Variants in HSD17B11 observed in about 807,000 individuals in gnomAD.
HSD17B11 encodes the protein hydroxysteroid 17-beta dehydrogenase 11, also known as estradiol 17-beta-dehydrogenase 11.
Under a neutral mutation model 27.8 loss-of-function variants are expected in HSD17B11, and 22 were observed. The observed-to-expected ratio is 0.79, with a 90% CI of 0.56 to 1.13. The LOEUF is 1.13. HSD17B11 is among the 50% of genes most tolerant of loss of function. The pLI, the probability that HSD17B11 is intolerant of heterozygous loss-of-function variation, is 0.00. For synonymous variants in HSD17B11, 117 were observed against 132.8 expected (o/e 0.88, Z 0.82); for missense variants, 314 against 351.1 (o/e 0.89, Z 0.84).
At chr4:87,377,390 C>T (rs1735851370) in intron 2 of HSD17B11, among the ~76,000 whole-genome samples, 1 of 151,320 alleles carries the variant, frequency 6.6e-6, no homozygotes, top group East Asian at 1.9e-4. Context: ...GCGGAGGTTG[C>T]AGTGAGCTGA....
chr4:87,378,742 T>A (rs1231630641), intron 2 of HSD17B11, among the ~76,000 whole-genome samples: 1 of 140,768 alleles, frequency 7.1e-6, no homozygotes, highest in Non-Finnish European at 1.5e-5. Context: ...ATTATTTTAA[T>A]TTTTAGCTCT....
intron 5 of HSD17B11, 151 bp downstream of exon 5, chr4:87,357,128 T>C (rs1735402660): frequency 2.4e-6 from 2 of 844,294 alleles, no homozygotes; most frequent in African/African-American, 1.8e-5. Context: ...GCTTTCCACC[T>C]GTTTTCCCAC....
chr4:87,368,348 C>A lies in HSD17B11; in HGVS notation c.557+4361G>T, dbSNP rs545840263. On this transcript the variant is annotated intron_variant, in intron 4 of 6. Transcript: ENST00000358290. ...ACAAAAAACACACACACAAAAAACT[C>A]AAGAGTCATGAATGGCCCTCGCCAC... is the stretch of plus-strand genomic sequence containing the variant. Among the ~76,000 whole-genome samples the A allele has an allele frequency of 3.9e-5, 6 of 152,030 alleles. No individual in the cohort carries two copies. The South Asian group carries it at 1.0e-3, about 26-fold the overall frequency.
chr4:87,360,134 T>G (rs1735477745), intron 4 of HSD17B11, among the ~76,000 whole-genome samples: 1 of 100,632 alleles, frequency 9.9e-6, no homozygotes, highest in Non-Finnish European at 2.2e-5. Context: ...GAAATTTTCA[T>G]CTGAGTTTTT....
chr4:87,390,449 G>A (rs1433847641), intron 1 of HSD17B11, among the ~76,000 whole-genome samples: 4 of 152,174 alleles, frequency 2.6e-5, no homozygotes, highest in African/African-American at 7.2e-5. Flanking sequence ...AGCCAACGGC[G>A]AGTATAATCT....
intron 1 of HSD17B11, among the ~76,000 whole-genome samples, chr4:87,388,401 C>A (rs964239781): frequency 2.6e-5 from 4 of 152,236 alleles, no homozygotes; most frequent in Non-Finnish European, 5.9e-5. Flanking sequence ...CTACCTACCA[C>A]TGTGTTGCAC....
rs1193113287 is a variant in HSD17B11, at chr4:87,336,650, A to G, written c.*626T>C. ...TTTATTATTGCTGCCATTTGTGGGT[A>G]CATTCTCTCAATTCTCCTTAAATCC... On this transcript the variant is annotated 3_prime_UTR_variant, in exon 7 of 7. Coordinates refer to ENST00000358290, the MANE Select transcript of HSD17B11 (RefSeq NM_016245.5). 2 of 152,458 alleles carry G rather than the reference A, an allele frequency of 1.3e-5. No homozygotes were observed. The highest frequency in any genetic ancestry group is 2.9e-5 in the Non-Finnish European group (2 of 68,078). 9.4% of individuals were successfully genotyped at this position (152,458 alleles called of 1,614,324 possible). A position where few individuals can be genotyped will look rare whatever the true frequency, so the allele number is the denominator to read the frequency against.
intron 6 of HSD17B11, among the ~76,000 whole-genome samples, chr4:87,339,263 T>C (rs916641414): frequency 1.3e-5 from 2 of 152,242 alleles, no homozygotes; most frequent in African/African-American, 4.8e-5. Context: ...AAGAGATCCC[T>C]GAGCTTTACT....
intron 1 of HSD17B11, among the ~76,000 whole-genome samples, chr4:87,389,084 T>G (rs1390678856): frequency 3.2e-4 from 49 of 152,314 alleles, no homozygotes; most frequent in South Asian, 2.1e-4. Flanking sequence ...TTGAGTAAGT[T>G]ACCCAATCAG....
In HSD17B11 at chr4:87,372,832, T is replaced by C; in HGVS notation, c.451-17A>G. 1 of 1,473,750 alleles carries C rather than the reference T, an allele frequency of 6.8e-7. No individual in the cohort carries two copies. The highest frequency in any genetic ancestry group is 9.4e-7 in the Non-Finnish European group (1 of 1,068,932). 91.3% of individuals were successfully genotyped at this position (1,473,750 alleles called of 1,614,324 possible). A position where few individuals can be genotyped will look rare whatever the true frequency, so the allele number is the denominator to read the frequency against. On this transcript the variant is annotated splice_polypyrimidine_tract_variant and intron_variant, in intron 3 of 6. Coordinates refer to ENST00000358290, the MANE Select transcript of HSD17B11 (RefSeq NM_016245.5). ...CTTTGTAGTCTACAAATAGTTTTTA[T>C]TAAAAGAGAAAAAATACTGTATTTC...
chr4:87,365,534 CT>C (rs1735598741), intron 4 of HSD17B11, among the ~76,000 whole-genome samples: 1 of 152,278 alleles, frequency 6.6e-6, no homozygotes, highest in African/African-American at 2.4e-5. Context: ...CCTCATGCCC[CT>C]GGCTATGCTG....
At chr4:87,359,364 T>C (rs1384004577) in intron 4 of HSD17B11, among the ~76,000 whole-genome samples, 1 of 152,238 alleles carries the variant, frequency 6.6e-6, no homozygotes, top group Admixed American at 6.5e-5. Flanking sequence ...GTTATTCTGA[T>C]GCATTTTGGA....
In HSD17B11 at chr4:87,369,336, A is replaced by G. The variant is rs115597618; in HGVS notation, c.557+3373T>C. 9.4e-3 allele frequency among the ~76,000 whole-genome samples: 1,429 copies of G among 152,312 alleles called. 12 individuals carry two copies. The highest frequency in any genetic ancestry group is 0.013 in the Non-Finnish European group (877 of 68,020). On this transcript the variant is annotated intron_variant, in intron 4 of 6. Coordinates refer to ENST00000358290, the MANE Select transcript of HSD17B11 (RefSeq NM_016245.5). ...TTTGCCCCCTGCACTTTGTAACATT[A>G]CATCAAATTCCTTCTTATTAGAAAT...
chr4:87,378,948 TTA>T (rs1491015421), intron 2 of HSD17B11, among the ~76,000 whole-genome samples: 2 of 15,866 alleles, frequency 1.3e-4, no homozygotes, highest in Non-Finnish European at 2.1e-4. Context: ...ATATATATAT[TTA>T]TATATATATA....
chr4:87,372,845 A>G (rs761317660), intron 3 of HSD17B11, 30 bp from the exon 4 acceptor site: 3 of 1,358,074 alleles, frequency 2.2e-6, no homozygotes, highest in Non-Finnish European at 3.2e-6. Context: ...AAAGAGAAAA[A>G]ATACTGTATT....
intron 1 of HSD17B11, 74 bp from the exon 2 acceptor site, chr4:87,382,436 A>T: frequency 1.1e-6 from 1 of 936,200 alleles, no homozygotes; most frequent in Non-Finnish European, 1.7e-6. Flanking sequence ...AAATAATTAA[A>T]AATAATTTTT....
chr4:87,346,895 A>T (rs932625446), intron 5 of HSD17B11, among the ~76,000 whole-genome samples: 4 of 151,188 alleles, frequency 2.6e-5, no homozygotes, highest in African/African-American at 4.9e-5. Context: ...GTATATTTTT[A>T]AAAAATTTTA....
intron 2 of HSD17B11, among the ~76,000 whole-genome samples, chr4:87,379,507 C>G (rs1435011917): frequency 6.9e-6 from 1 of 145,488 alleles, no homozygotes; most frequent in Non-Finnish European, 1.5e-5. Context: ...ATTATATATA[C>G]ATATATAATA....
intron 4 of HSD17B11, among the ~76,000 whole-genome samples, chr4:87,367,718 C>T (rs1300708368): frequency 6.6e-6 from 1 of 152,160 alleles, no homozygotes; most frequent in Non-Finnish European, 1.5e-5. Context: ...TAGGCTAACC[C>T]TGTTTATTCC....
Sources: gnomAD v4.1 joint callset for allele counts (sites outside exome capture counted in the v4.1 genomes callset) on GRCh38, gnomAD v4.1.1 for gene constraint, MANE v1.5 for transcripts, NCBI Gene and HGNC (gene_info 2026-07-23, HGNC 2026-07-21) for gene names.